The following CDH13 variants were observed in gnomAD, a reference collection of about 807,000 sequenced individuals.
CDH13 encodes the protein cadherin 13.
CDH13 carries 24 observed loss-of-function variants against 63.8 expected under a neutral mutation model. That is an observed-to-expected ratio of 0.38 (90% confidence interval 0.27 to 0.53). CDH13 has a LOEUF of 0.53. Ranked by LOEUF, CDH13 falls within the 20% of genes least tolerant of loss-of-function variation. The probability of loss-of-function intolerance (pLI) is 0.85; values close to 1 mark genes in which losing one functional copy is unlikely to be tolerated. For missense variants in CDH13, 1,049 were observed against 903.1 expected, an observed-to-expected ratio of 1.16 and a Z score of -2.07; for synonymous variants, 503 against 355.3, an observed-to-expected ratio of 1.42 and a Z score of -4.67.
chr16:82,897,941 T>G (rs1376865126), intron 2 of CDH13, among the ~76,000 whole-genome samples: 3 of 152,236 alleles, frequency 2.0e-5, no homozygotes, highest in Non-Finnish European at 4.4e-5. Flanking sequence ...GTGTTAATCT[T>G]TATGCCTCTG....
At chr16:82,664,609 T>C (rs1396073850) in intron 1 of CDH13, among the ~76,000 whole-genome samples, 1 of 152,224 alleles carries the variant, frequency 6.6e-6, no homozygotes, top group Admixed American at 6.5e-5. Flanking sequence ...ACCCAAGTTT[T>C]TCCTGTGTGT....
chr16:82,769,295 G>T (rs564770915), intron 1 of CDH13, among the ~76,000 whole-genome samples: 7 of 152,142 alleles, frequency 4.6e-5, no homozygotes, highest in Non-Finnish European at 1.0e-4. Context: ...ATTTGGTGCC[G>T]TGGCAGAAGA....
chr16:83,036,165 T>TTTC (rs1555567836), intron 3 of CDH13, among the ~76,000 whole-genome samples: 1 of 147,988 alleles, frequency 6.8e-6, no homozygotes, highest in Non-Finnish European at 1.5e-5. Context: ...TTTTTTTTTT[T>TTTC]TGAGATAGGG....
chr16:83,476,755 A>C lies in CDH13; in HGVS notation c.782-9722A>C, dbSNP rs773079641. Among the ~76,000 whole-genome samples the C allele has an allele frequency of 3.9e-5, 6 of 152,334 alleles. No individual in the cohort carries two copies. In the South Asian group the frequency reaches 1.2e-3, roughly 32 times the overall value. On this transcript the variant is annotated intron_variant, in intron 6 of 13. Coordinates refer to ENST00000567109, the MANE Select transcript of CDH13 (RefSeq NM_001257.5). ...TTGTTGTTTTTAAGAGTTTATGGAA[A>C]AATATATTGGAGAGTTACAATTACT...
At chr16:83,311,561 C>A (rs1483957888) in intron 5 of CDH13, among the ~76,000 whole-genome samples, 1 of 151,980 alleles carries the variant, frequency 6.6e-6, no homozygotes, top group African/African-American at 2.4e-5. Flanking sequence ...TTTGTGATTC[C>A]CATTTTACAG....
At chr16:82,749,844 A>G (rs1368970160) in intron 1 of CDH13, among the ~76,000 whole-genome samples, 2 of 152,158 alleles carry the variant, frequency 1.3e-5, no homozygotes, top group African/African-American at 4.8e-5. Context: ...AGCACCTAAC[A>G]TACATTTATG....
intron 2 of CDH13, among the ~76,000 whole-genome samples, chr16:83,014,764 ATATATATATATG>A (rs1304925207): frequency 3.9e-5 from 2 of 51,154 alleles, no homozygotes; most frequent in Non-Finnish European, 8.0e-5. Flanking sequence ...ATATATATAT[ATATATATATATG>A]TATATATATA....
At chr16:83,571,043 C>T (rs1904574809) in intron 7 of CDH13, among the ~76,000 whole-genome samples, 1 of 149,872 alleles carries the variant, frequency 6.7e-6, no homozygotes, top group Non-Finnish European at 1.5e-5. Flanking sequence ...CTGCATTCCT[C>T]TCCAGCGTGA....
chr16:82,677,980 A>G lies in CDH13; in HGVS notation c.45+50843A>G, dbSNP rs571496273. 4.6e-5 allele frequency among the ~76,000 whole-genome samples: 7 copies of G among 152,316 alleles called. No homozygotes were observed. The East Asian group carries it at 9.7e-4, about 21-fold the overall frequency. On this transcript the variant is annotated intron_variant, in intron 1 of 13. Transcript: ENST00000567109. Reference sequence around the variant, plus strand: ...TCTGAAGATATGATCCAGAAAATCTATAGTTGCAAATCTAGCATAATTTTA... The same window carrying G: ...TCTGAAGATATGATCCAGAAAATCTGTAGTTGCAAATCTAGCATAATTTTA...
At chr16:83,502,271 G>T (rs1175556951) in intron 7 of CDH13, among the ~76,000 whole-genome samples, 5 of 152,180 alleles carry the variant, frequency 3.3e-5, no homozygotes, top group Non-Finnish European at 7.4e-5. Flanking sequence ...GTCTTAATAA[G>T]GGGGAGGTGG....
intron 2 of CDH13, among the ~76,000 whole-genome samples, chr16:83,030,386 C>G (rs1007379708): frequency 1.1e-4 from 17 of 152,072 alleles, no homozygotes; most frequent in African/African-American, 4.1e-4. Context: ...GGGCCGGGTA[C>G]AGTGGCTCAC....
At chr16:82,961,149 G>T (rs1001083934) in intron 2 of CDH13, among the ~76,000 whole-genome samples, 6 of 152,248 alleles carry the variant, frequency 3.9e-5, no homozygotes, top group African/African-American at 1.2e-4. Context: ...TCCGACTCAG[G>T]CTTCATCCCA....
chr16:82,744,658 A>G (rs2034080245), intron 1 of CDH13, among the ~76,000 whole-genome samples: 1 of 152,176 alleles, frequency 6.6e-6, no homozygotes, highest in Non-Finnish European at 1.5e-5. Context: ...ACTCCTGGAT[A>G]AAAATCACAG....
chr16:83,748,273 C>T (rs778732667), intron 11 of CDH13, 23 bp downstream of exon 11: 81 of 1,573,800 alleles, frequency 5.1e-5, no homozygotes, highest in Non-Finnish European at 6.8e-5. Context: ...CAAAGACCAT[C>T]AAGGGTATAC....
chr16:83,564,247 C>G (rs2075754207), intron 7 of CDH13, among the ~76,000 whole-genome samples: 1 of 151,826 alleles, frequency 6.6e-6, no homozygotes, highest in African/African-American at 2.4e-5. Context: ...TCAAGTAGCT[C>G]AAAATCTAGC....
At chr16:82,850,922 T>C (rs1335556381) in intron 1 of CDH13, among the ~76,000 whole-genome samples, 1 of 152,200 alleles carries the variant, frequency 6.6e-6, no homozygotes, top group Non-Finnish European at 1.5e-5. Context: ...TAGGCTACAT[T>C]ATAGTATAAA....
chr16:83,076,113 A>G (rs938256417), intron 3 of CDH13, among the ~76,000 whole-genome samples: 3 of 152,202 alleles, frequency 2.0e-5, no homozygotes, highest in Non-Finnish European at 2.9e-5. Context: ...GGAAGGAAAA[A>G]AAAGTAAATG....
chr16:83,264,743 T>C (rs1270184923), intron 5 of CDH13, among the ~76,000 whole-genome samples: 1 of 151,868 alleles, frequency 6.6e-6, no homozygotes, highest in Non-Finnish European at 1.5e-5. Flanking sequence ...TAAACTCCTT[T>C]GGCTGGTTTT....
intron 2 of CDH13, among the ~76,000 whole-genome samples, chr16:83,017,957 G>A (rs1191091652): frequency 6.6e-6 from 1 of 152,128 alleles, no homozygotes; most frequent in East Asian, 1.9e-4. Context: ...AGTAGGTTGG[G>A]AAACAAGCCC....
Sources: allele counts gnomAD v4.1 joint callset (sites outside exome capture counted in the v4.1 genomes callset), GRCh38; gene constraint gnomAD v4.1.1; transcripts MANE v1.5; gene names NCBI Gene and HGNC (gene_info 2026-07-23, HGNC 2026-07-21).